The following RAB2A variants were observed in gnomAD, a reference collection of about 807,000 sequenced individuals.
RAB2A encodes the protein ras-related protein Rab-2A.
Under a neutral mutation model 32.5 loss-of-function variants are expected in RAB2A, and 7 were observed. The observed-to-expected ratio is 0.22, with a 90% CI of 0.12 to 0.40. The LOEUF (loss-of-function observed/expected upper bound fraction) is 0.40, where lower values mean the gene tolerates loss of function less well. RAB2A is among the 10% of genes least tolerant of loss of function. The pLI, the probability that RAB2A is intolerant of heterozygous loss-of-function variation, is 1.00. For missense variants in RAB2A, 108 were observed against 260.7 expected, an observed-to-expected ratio of 0.41 and a Z score of 4.03; for synonymous variants, 79 against 85.2, an observed-to-expected ratio of 0.93 and a Z score of 0.40.
At chr8:60,567,065 C>T (rs1216708074) in intron 2 of RAB2A, among the ~76,000 whole-genome samples, 1 of 151,888 alleles carries the variant, frequency 6.6e-6, no homozygotes, top group Non-Finnish European at 1.5e-5. Flanking sequence ...TGTATGTAAG[C>T]AAGCAAGCCT....
intron 1 of RAB2A, among the ~76,000 whole-genome samples, chr8:60,533,067 A>T (rs1279811498): frequency 6.6e-6 from 1 of 152,246 alleles, no homozygotes; most frequent in Non-Finnish European, 1.5e-5. Flanking sequence ...ATGAAGTTAA[A>T]ACCCAGTATT....
chr8:60,516,936 A>G, upstream of RAB2A: 1 of 333,442 alleles, frequency 3.0e-6, no homozygotes, highest in Non-Finnish European at 5.5e-6. Flanking sequence ...CGGCGGCCGC[A>G]GAACTTCCGG....
intron 1 of RAB2A, among the ~76,000 whole-genome samples, chr8:60,549,087 C>T (rs1667656354): frequency 6.6e-6 from 1 of 150,530 alleles, no homozygotes; most frequent in African/African-American, 2.5e-5. Context: ...GTGATGGCGG[C>T]CGGGAAGAGG....
At chr8:60,566,895 T>C (rs1808122993) in intron 2 of RAB2A, among the ~76,000 whole-genome samples, 1 of 152,204 alleles carries the variant, frequency 6.6e-6, no homozygotes, top group Non-Finnish European at 1.5e-5. Context: ...CTGAGGATAA[T>C]GGCCTTCAGC....
intron 1 of RAB2A, among the ~76,000 whole-genome samples, chr8:60,523,096 A>G (rs1336321457): frequency 1.3e-5 from 2 of 152,110 alleles, no homozygotes; most frequent in Non-Finnish European, 2.9e-5. Flanking sequence ...TAAAATACAT[A>G]TACACAGTTT....
At chr8:60,590,583 ATT>A (rs200346608) in intron 5 of RAB2A, among the ~76,000 whole-genome samples, 21,541 of 144,378 alleles carry the variant, frequency 0.15, 1,693 homozygotes, top group East Asian at 0.26. Flanking sequence ...TAATATATGT[ATT>A]TTATATATAT....
chr8:60,581,772 C>T (rs7829359), intron 3 of RAB2A, among the ~76,000 whole-genome samples: 58,803 of 151,772 alleles, frequency 0.39, 11,493 homozygotes, highest in East Asian at 0.55. Context: ...TTTACGAGAC[C>T]GAGACAGGTT....
chr8:60,610,732 G>A (rs1419160881), intron 6 of RAB2A, among the ~76,000 whole-genome samples: 2 of 152,164 alleles, frequency 1.3e-5, no homozygotes, highest in African/African-American at 2.4e-5. Context: ...TTTGAAAGTT[G>A]CATCCATTTT....
intron 1 of RAB2A, among the ~76,000 whole-genome samples, chr8:60,543,525 C>G (rs561837504): frequency 6.6e-5 from 10 of 151,200 alleles, no homozygotes; most frequent in African/African-American, 2.5e-4. Context: ...AGGCCCCACC[C>G]TAAATCCAGG....
chr8:60,518,626 A>G (rs1219865028), intron 1 of RAB2A, among the ~76,000 whole-genome samples: 1 of 140,842 alleles, frequency 7.1e-6, no homozygotes, highest in Non-Finnish European at 1.5e-5. Flanking sequence ...AAAAAAAAGC[A>G]TATTTATTGC....
chr8:60,605,875 G>A (rs1304562018), intron 6 of RAB2A, among the ~76,000 whole-genome samples: 2 of 131,178 alleles, frequency 1.5e-5, no homozygotes, highest in African/African-American at 3.6e-5. Flanking sequence ...CAAGCTGGGG[G>A]TGGTGGCTCA....
At chr8:60,566,179 T>A (rs949719735) in intron 2 of RAB2A, among the ~76,000 whole-genome samples, 1 of 152,220 alleles carries the variant, frequency 6.6e-6, no homozygotes, top group Admixed American at 6.5e-5. Flanking sequence ...CTAAAGCTTT[T>A]AAATGTATTC....
chr8:60,602,051 T>C (rs1234088764), intron 6 of RAB2A, among the ~76,000 whole-genome samples: 2 of 152,136 alleles, frequency 1.3e-5, no homozygotes, highest in East Asian at 3.9e-4. Flanking sequence ...GCTAATTTTT[T>C]TTTTTTTGTA....
intron 2 of RAB2A, among the ~76,000 whole-genome samples, chr8:60,567,415 T>C (rs1808131977): frequency 6.6e-6 from 1 of 152,200 alleles, no homozygotes; most frequent in African/African-American, 2.4e-5. Context: ...CATACTGTGG[T>C]AGTTATTGCA....
chr8:60,547,285 CCT>C (rs1243878048), intron 1 of RAB2A, among the ~76,000 whole-genome samples: 2 of 152,200 alleles, frequency 1.3e-5, no homozygotes, highest in African/African-American at 2.4e-5. Context: ...AAAAGTCTCC[CCT>C]GTCTACCTCT....
At chr8:60,550,059 A>G (rs531855171) in intron 1 of RAB2A, among the ~76,000 whole-genome samples, 1 of 151,886 alleles carries the variant, frequency 6.6e-6, no homozygotes, top group Non-Finnish European at 1.5e-5. Flanking sequence ...TGAAATCTGT[A>G]CTCACATATT....
chr8:60,588,965 A>G (rs923174066), intron 5 of RAB2A, among the ~76,000 whole-genome samples: 13 of 152,318 alleles, frequency 8.5e-5, no homozygotes, highest in African/African-American at 3.1e-4. Flanking sequence ...AGAAACTATT[A>G]TCATATTCTC....
intron 3 of RAB2A, among the ~76,000 whole-genome samples, chr8:60,575,748 C>G (rs181372701): frequency 6.6e-6 from 1 of 151,300 alleles, no homozygotes; most frequent in African/African-American, 2.4e-5. Context: ...ACCTCCGCCT[C>G]CCGGGTTCAA....
chr8:60,580,433 T>C (rs1803726000), intron 3 of RAB2A, among the ~76,000 whole-genome samples: 1 of 152,096 alleles, frequency 6.6e-6, no homozygotes, highest in Non-Finnish European at 1.5e-5. Context: ...AAAACTTCAC[T>C]GGGCAAGATT....
Sources: allele counts gnomAD v4.1 joint callset (sites outside exome capture counted in the v4.1 genomes callset), GRCh38; gene constraint gnomAD v4.1.1; transcripts MANE v1.5; gene names NCBI Gene and HGNC (gene_info 2026-07-23, HGNC 2026-07-21).